Variants in TP73 observed in about 807,000 individuals in gnomAD.
TP73 encodes tumor protein p73.
Under a neutral mutation model 62.5 loss-of-function variants are expected in TP73, and 25 were observed. The ratio of observed to expected loss-of-function variants is 0.40; its 90% CI spans 0.29 to 0.56. The LOEUF is 0.56. Among genes scored for constraint, TP73 ranks in the 20% least tolerant of loss-of-function variants. The pLI, the probability that TP73 is intolerant of heterozygous loss-of-function variation, is 0.46. For synonymous variants in TP73, 423 were observed against 377.5 expected (o/e 1.12, Z -1.40); for missense variants, 754 against 913.3 (o/e 0.83, Z 2.25).
intron 1 of TP73, among the ~76,000 whole-genome samples, chr1:3,669,098 G>A (rs916095875): frequency 1.3e-5 from 2 of 152,240 alleles, no homozygotes; most frequent in Admixed American, 6.5e-5. Flanking sequence ...CCGCCTGCGG[G>A]AGCCAGGAGC....
At chr1:3,657,226 T>C (rs1570340560) in intron 1 of TP73, among the ~76,000 whole-genome samples, 1 of 152,158 alleles carries the variant, frequency 6.6e-6, no homozygotes, top group Admixed American at 6.5e-5. Context: ...CAGGGTCGGG[T>C]TCCCTCGGAG....
rs897443878 is a variant in TP73, at chr1:3,672,755, C to A, written c.-33-9578C>A. On this transcript the variant is annotated intron_variant, in intron 1 of 13. Coordinates refer to ENST00000378295, the MANE Select transcript of TP73 (RefSeq NM_005427.4). The surrounding 1 kb of genome is among the most constrained non-coding windows in gnomAD (Gnocchi z 5.3). ...TGGCAGGAAACATCACCAAGCTCAGCGCCCCAGTTCCCTGACAGGGCCCCA... is the reference window on the plus strand; with the variant it reads ...TGGCAGGAAACATCACCAAGCTCAGAGCCCCAGTTCCCTGACAGGGCCCCA... Among the ~76,000 whole-genome samples, 1 of 152,184 alleles carries A rather than the reference C, an allele frequency of 6.6e-6. No individual in the cohort carries two copies. The highest frequency in any genetic ancestry group is 1.5e-5 in the Non-Finnish European group (1 of 68,034).
chr1:3,728,536 AC>A (rs1641861683), intron 9 of TP73, among the ~76,000 whole-genome samples: 1 of 152,136 alleles, frequency 6.6e-6, no homozygotes, highest in African/African-American at 2.4e-5. Flanking sequence ...AGAATCCAGG[AC>A]CCTAACGTTG....
intron 4 of TP73, among the ~76,000 whole-genome samples, chr1:3,709,790 G>A (rs1639980146): frequency 6.6e-6 from 1 of 152,234 alleles, no homozygotes; most frequent in Admixed American, 6.5e-5. Context: ...TCTCCCTGGA[G>A]TCCTGGCAGG....
intron 1 of TP73, among the ~76,000 whole-genome samples, chr1:3,656,093 G>A (rs183889679): frequency 9.7e-4 from 147 of 151,944 alleles, no homozygotes; most frequent in Middle Eastern, 3.4e-3. Context: ...GGAGAATGGC[G>A]TGAACCCGGA....
At position 3,699,016 on chromosome 1, in the gene TP73, G is replaced by A. The variant is rs1001289674; in HGVS notation, c.187-8533G>A. Among the ~76,000 whole-genome samples the A allele has an allele frequency of 4.6e-5, 7 of 152,300 alleles. No individual in the cohort carries two copies. The highest frequency in any genetic ancestry group is 1.4e-4 in the African/African-American group (6 of 41,554). On this transcript the variant is annotated intron_variant, in intron 3 of 13. Transcript: ENST00000378295. This position sits in a 1 kb window ranked among gnomAD's most constrained non-coding sequence, Gnocchi z 4.1. ...CTGGCACGGGATTGGGCAAGGCCTC[G>A]CCTCAGCCCCGGGTGAGAGCAGAGG...
In TP73 at chr1:3,701,096, G is replaced by A. The variant is rs563078283; in HGVS notation, c.187-6453G>A. 7.9e-5 allele frequency among the ~76,000 whole-genome samples: 12 copies of A among 152,308 alleles called. No homozygotes were observed. The highest frequency in any genetic ancestry group is 2.1e-4 in the South Asian group (1 of 4,822). On this transcript the variant is annotated intron_variant, in intron 3 of 13. Coordinates refer to ENST00000378295, the MANE Select transcript of TP73 (RefSeq NM_005427.4). The surrounding 1 kb of genome is among the most constrained non-coding windows in gnomAD (Gnocchi z 4.7). The stretch of plus-strand genomic sequence containing the variant: ...GCCACTTCCCCCAGTTGGATGGCCC[G>A]CGTGGATTTCAGGGTCTGTTTCATC...
chr1:3,664,306 G>A (rs1320355798), intron 1 of TP73, among the ~76,000 whole-genome samples: 2 of 152,200 alleles, frequency 1.3e-5, no homozygotes, highest in African/African-American at 2.4e-5. Flanking sequence ...GTACCAGCTG[G>A]CAGGCCCCCC....
At position 3,717,618 on chromosome 1, in the gene TP73, C is replaced by G. The variant is rs951844919; in HGVS notation, c.430-4403C>G. 2.6e-5 allele frequency among the ~76,000 whole-genome samples: 4 copies of G among 152,334 alleles called. No individual in the cohort carries two copies. In the East Asian group the frequency reaches 5.8e-4, roughly 22 times the overall value. On this transcript the variant is annotated intron_variant, in intron 4 of 13. Transcript: ENST00000378295. ...AATAGGCTCCACCGGAGTCCTCCTCCTCCTGCCCGTTTTCCACAGGGCCAA... is the reference window on the plus strand; with the variant it reads ...AATAGGCTCCACCGGAGTCCTCCTCGTCCTGCCCGTTTTCCACAGGGCCAA...
intron 3 of TP73, among the ~76,000 whole-genome samples, chr1:3,695,497 T>C (rs926916401): frequency 6.6e-6 from 1 of 152,176 alleles, no homozygotes; most frequent in Non-Finnish European, 1.5e-5. Flanking sequence ...ATGGTGGGCA[T>C]CCATGCGTTG....
Position 3,707,698 on chromosome 1 carries a change from G to A in TP73, c.336G>A (p.Ala112=), listed in dbSNP as rs754161249. 7.4e-6 allele frequency: 12 copies of A among 1,613,194 alleles called. No individual in the cohort carries two copies. The highest frequency in any genetic ancestry group is 4.5e-5 in the East Asian group (2 of 44,866). The change falls in exon 4 of 14, where the codon GCG becomes GCA. Residue 112 remains alanine, a synonymous_variant. Coordinates refer to ENST00000378295, the MANE Select transcript of TP73 (RefSeq NM_005427.4). ...PSSTFDTMSP[A]PVIPSNTDYP... The stretch of plus-strand genomic sequence containing the variant: ...CCACCTTCGACACCATGTCGCCGGC[G>A]CCTGTCATCCCCTCCAACACCGACT...
At chr1:3,661,433 G>C (rs373851521) in intron 1 of TP73, among the ~76,000 whole-genome samples, 3 of 152,106 alleles carry the variant, frequency 2.0e-5, no homozygotes, top group African/African-American at 7.2e-5. Flanking sequence ...ATCTGGCCAG[G>C]CATGGTGGGT....
At chr1:3,669,296 G>A (rs573299159) in intron 1 of TP73, among the ~76,000 whole-genome samples, 11 of 152,324 alleles carry the variant, frequency 7.2e-5, no homozygotes, top group Non-Finnish European at 1.0e-4. Context: ...CCCAGGAGGC[G>A]GCTTGGAAAT....
At chr1:3,729,840 A>C in intron 10 of TP73, 160 bp from the exon 11 acceptor site, 1 of 1,085,284 alleles carries the variant, frequency 9.2e-7, no homozygotes, top group African/African-American at 1.6e-5. Context: ...GTGGCCGTGC[A>C]TGGCCATGGT....
chr1:3,679,789 G>A (rs1211521657), intron 1 of TP73, among the ~76,000 whole-genome samples: 1 of 120,436 alleles, frequency 8.3e-6, no homozygotes, highest in African/African-American at 3.4e-5. Context: ...TCTCTGTTTT[G>A]TCTCTCTTTG....
At chr1:3,674,094 G>A (rs1483986421) in intron 1 of TP73, among the ~76,000 whole-genome samples, 1 of 152,188 alleles carries the variant, frequency 6.6e-6, no homozygotes, top group Non-Finnish European at 1.5e-5. Flanking sequence ...GAATCCCCGG[G>A]AATTAGCCAT....
rs554601812 is a variant in TP73 at position 3,690,790 on chromosome 1, C to T, written c.186+7610C>T. 6.3e-4 allele frequency: 953 copies of T among 1,520,688 alleles called. 10 individuals are homozygous for T. The Middle Eastern group carries it at 7.1e-3, about 11-fold the overall frequency. The allele number at this position is 1,520,688 out of a possible 1,614,324, so 94.2% of individuals were successfully genotyped here. The stretch of plus-strand genomic sequence containing the variant: ...CACTAGCTGCGGAGCCTCTCCCGCT[C>T]GGTCCACGCTGCCGGGCGGCCACGA... On this transcript the variant is annotated intron_variant, in intron 3 of 13. Transcript: ENST00000378295.
At chr1:3,721,250 C>T (rs1320033166) in intron 4 of TP73, among the ~76,000 whole-genome samples, 1 of 152,258 alleles carries the variant, frequency 6.6e-6, no homozygotes, top group Non-Finnish European at 1.5e-5. Context: ...GGGGCTGGCT[C>T]AGGAAGGGTG....
chr1:3,724,462 G>A (rs6687491), intron 6 of TP73, among the ~76,000 whole-genome samples: 82,551 of 151,508 alleles, frequency 0.54, 26,712 homozygotes, highest in Non-Finnish European at 0.74. Flanking sequence ...CCCCTTCGAC[G>A]TCCCCATCCC....
Sources: allele counts gnomAD v4.1 joint callset (sites outside exome capture counted in the v4.1 genomes callset), GRCh38; gene constraint gnomAD v4.1.1; non-coding constraint Gnocchi (gnomAD v3.1); transcripts MANE v1.5; gene names NCBI Gene and HGNC (gene_info 2026-07-23, HGNC 2026-07-21).